Variants in NAPB observed in about 807,000 individuals in gnomAD.
The protein encoded by NAPB is beta-soluble NSF attachment protein.
NAPB carries 26 observed loss-of-function variants against 44.7 expected under a neutral mutation model. The ratio of observed to expected loss-of-function variants is 0.58; its 90% confidence interval spans 0.43 to 0.81. NAPB has a LOEUF of 0.81. NAPB is among the 30% of genes least tolerant of loss of function. NAPB has a pLI of 0.00. For synonymous variants in NAPB, 120 were observed against 116.8 expected, an observed-to-expected ratio of 1.03 and a Z score of -0.18; for missense variants, 315 against 356.4, an observed-to-expected ratio of 0.88 and a Z score of 0.94.
chr20:23,398,833 G>A (rs1437351700), intron 2 of NAPB, among the ~76,000 whole-genome samples: 2 of 143,548 alleles, frequency 1.4e-5, no homozygotes, highest in Middle Eastern at 3.4e-3. Flanking sequence ...GACAGAGCAA[G>A]ACTCTTGTCT....
intron 1 of NAPB, among the ~76,000 whole-genome samples, chr20:23,417,023 A>G (rs1986047344): frequency 1.3e-5 from 2 of 152,320 alleles, no homozygotes; most frequent in African/African-American, 4.8e-5. Flanking sequence ...AACTCAGACT[A>G]AACACTGAAA....
chr20:23,402,528 G>T (rs1014612030), intron 2 of NAPB, among the ~76,000 whole-genome samples: 6 of 152,030 alleles, frequency 3.9e-5, no homozygotes, highest in African/African-American at 1.5e-4. Flanking sequence ...TCAGTTCTCA[G>T]TGGAATCACA....
At chr20:23,406,938 A>G (rs566630759) in intron 1 of NAPB, among the ~76,000 whole-genome samples, 1 of 152,338 alleles carries the variant, frequency 6.6e-6, no homozygotes, top group East Asian at 1.9e-4. Context: ...ATATTTCCAT[A>G]TATGTTATGT....
intron 5 of NAPB, 37 bp downstream of exon 5, chr20:23,394,885 C>A (rs1455995461): frequency 1.3e-6 from 2 of 1,591,658 alleles, no homozygotes; most frequent in Non-Finnish European, 1.7e-6. Flanking sequence ...AGCTTATCTG[C>A]CTGCTTCACA....
At position 23,421,252 on chromosome 20, in the gene NAPB, G is replaced by C; in HGVS notation, c.98+53C>G. On this transcript the variant is annotated intron_variant, in intron 1 of 10. Coordinates refer to ENST00000377026, the MANE Select transcript of NAPB (RefSeq NM_022080.3). ...TCGGGGGGTCAGCCTGAAAGGAAGG[G>C]GGCCAAGTACGGAGACCCCCCCCCC... The C allele has an allele frequency of 1.3e-5, 19 of 1,428,562 alleles. No homozygotes were observed. The South Asian group carries it at 2.4e-4, about 18-fold the overall frequency. The allele number at this position is 1,428,562 out of a possible 1,614,324, so 88.5% of individuals were successfully genotyped here.
chr20:23,395,451 TC>T (rs1984289331), intron 3 of NAPB, among the ~76,000 whole-genome samples: 1 of 152,186 alleles, frequency 6.6e-6, no homozygotes, highest in Admixed American at 6.5e-5. Flanking sequence ...AAGTGAGGAC[TC>T]CATCCAGGCA....
chr20:23,409,095 T>C (rs1398124617), intron 1 of NAPB, among the ~76,000 whole-genome samples: 4 of 152,156 alleles, frequency 2.6e-5, no homozygotes, highest in African/African-American at 9.7e-5. Context: ...TATCATTTAT[T>C]TACCAGCCTC....
intron 7 of NAPB, 121 bp from the exon 8 acceptor site, chr20:23,381,438 AT>A: frequency 3.4e-6 from 2 of 595,540 alleles, no homozygotes; most frequent in Non-Finnish European, 5.6e-6. Flanking sequence ...GCTATGAAAT[AT>A]ATTATTTTAT....
intron 1 of NAPB, among the ~76,000 whole-genome samples, chr20:23,407,396 T>C (rs527696713): frequency 6.6e-6 from 1 of 152,194 alleles, no homozygotes; most frequent in East Asian, 1.9e-4. Context: ...GCAACATAAG[T>C]TAAACACTTA....
chr20:23,398,775 C>T lies in NAPB; in HGVS notation c.179-1587G>A, dbSNP rs1018423266. The stretch of plus-strand genomic sequence containing the variant: ...AGGACAATTGCTTGAATCCGGGAGG[C>T]GGAGGTTGCAGTGAGCCGAGACTGT... On this transcript the variant is annotated intron_variant, in intron 2 of 10. Transcript: ENST00000377026. Among the ~76,000 whole-genome samples, 6 of 146,610 alleles carry T rather than the reference C, an allele frequency of 4.1e-5. No homozygotes were observed. The South Asian group carries it at 9.3e-4, about 23-fold the overall frequency.
intron 2 of NAPB, 85 bp downstream of exon 2, chr20:23,402,908 C>T (rs1568616004): frequency 3.9e-6 from 4 of 1,034,400 alleles, no homozygotes; most frequent in East Asian, 2.4e-5. Flanking sequence ...AATAGTCTTG[C>T]TCTTCAAGGG....
rs1220271197 is a variant in NAPB, at chr20:23,375,434, G to A, written c.*1942C>T. The stretch of plus-strand genomic sequence containing the variant: ...AGTAGAAACAAACTACTTAAAACCA[G>A]AGGACTCAAGCTGCAGAACCACTCC... On this transcript the variant is annotated 3_prime_UTR_variant, in exon 11 of 11. Transcript: ENST00000377026. The A allele has an allele frequency of 2.0e-5, 3 of 152,180 alleles. No homozygotes were observed. Among genetic ancestry groups the A allele is most frequent in the African/African-American group, 7.2e-5 (3 of 41,436 alleles). 9.4% of individuals were successfully genotyped at this position (152,180 alleles called of 1,614,324 possible). A position where few individuals can be genotyped will look rare whatever the true frequency, so the allele number is the denominator to read the frequency against.
At chr20:23,407,625 A>T (rs938868894) in intron 1 of NAPB, among the ~76,000 whole-genome samples, 2 of 152,172 alleles carry the variant, frequency 1.3e-5, no homozygotes, top group Non-Finnish European at 2.9e-5. Context: ...TATTCAGGAA[A>T]TATTTACTGA....
At chr20:23,412,100 A>C (rs1388021894) in intron 1 of NAPB, among the ~76,000 whole-genome samples, 3 of 152,232 alleles carry the variant, frequency 2.0e-5, no homozygotes, top group African/African-American at 7.2e-5. Context: ...GGCTTCTCTC[A>C]GTCACTTGAC....
chr20:23,394,067 G>A (rs1363802307), intron 5 of NAPB, among the ~76,000 whole-genome samples: 1 of 152,164 alleles, frequency 6.6e-6, no homozygotes, highest in Non-Finnish European at 1.5e-5. Context: ...AAGCAATTCA[G>A]TGGACCCATG....
intron 9 of NAPB, 85 bp downstream of exon 9, chr20:23,379,782 A>C: frequency 9.9e-7 from 1 of 1,010,576 alleles, no homozygotes; most frequent in Non-Finnish European, 1.5e-6. Flanking sequence ...TATAGATTAA[A>C]ACTTCACTTC....
chr20:23,410,674 G>C (rs1985591371), intron 1 of NAPB, among the ~76,000 whole-genome samples: 1 of 148,314 alleles, frequency 6.7e-6, no homozygotes, highest in African/African-American at 2.6e-5. Context: ...TGTACCCCCT[G>C]ACTCTAAAAT....
chr20:23,385,563 C>T (rs1364412126), intron 7 of NAPB, among the ~76,000 whole-genome samples: 2 of 151,870 alleles, frequency 1.3e-5, no homozygotes, highest in Non-Finnish European at 2.9e-5. Flanking sequence ...AATTCGAGAC[C>T]AGCCTAGCCA....
intron 2 of NAPB, among the ~76,000 whole-genome samples, chr20:23,397,940 T>C (rs562022756): frequency 6.6e-6 from 1 of 152,298 alleles, no homozygotes; most frequent in South Asian, 2.1e-4. Context: ...TCAGGGACCA[T>C]GGATTCTGGA....
Sources: allele counts gnomAD v4.1 joint callset (sites outside exome capture counted in the v4.1 genomes callset), GRCh38; gene constraint gnomAD v4.1.1; transcripts MANE v1.5; gene names NCBI Gene and HGNC (gene_info 2026-07-23, HGNC 2026-07-21).